The following TENM3 variants were observed in gnomAD, a reference collection of about 807,000 sequenced individuals.
TENM3 encodes the protein teneurin transmembrane protein 3.
In TENM3, 63 loss-of-function variants were observed where a neutral mutation model predicts 255.1. That is an observed-to-expected ratio of 0.25 (90% CI 0.20 to 0.30). TENM3 has a LOEUF of 0.30. Among genes scored for constraint, TENM3 ranks in the 10% least tolerant of loss-of-function variants. The pLI, the probability that TENM3 is intolerant of heterozygous loss-of-function variation, is 1.00. For synonymous variants in TENM3, 1,306 were observed against 1,322.3 expected (o/e 0.99, Z 0.27); for missense variants, 2,929 against 3,461.1 (o/e 0.85, Z 3.86).
At chr4:182,355,178 A>G (rs1765436354) in intron 3 of TENM3, among the ~76,000 whole-genome samples, 2 of 152,210 alleles carry the variant, frequency 1.3e-5, no homozygotes, top group African/African-American at 2.4e-5. Context: ...GCGTTGGACC[A>G]GAGGCTTAAA....
At position 182,216,846 on chromosome 4, in the gene TENM3, G is replaced by A. The variant is rs901150311; in HGVS notation, c.-76+72092G>A. ...ACTTCAAATCCTGAAAACGATTCAG[G>A]TGTTTTCTAAACAATGGCAGACTTG... On this transcript the variant is annotated intron_variant, in intron 1 of 2. Coordinates refer to the TENM3 transcript ENST00000512480. Among the ~76,000 whole-genome samples, 5 of 151,992 alleles carry A rather than the reference G, an allele frequency of 3.3e-5. No individual in the cohort carries two copies. In the East Asian group the frequency reaches 7.7e-4, roughly 24 times the overall value.
chr4:181,782,713 A>G, the TENM3 span, among the ~76,000 whole-genome samples: 1 of 152,030 alleles, frequency 6.6e-6, no homozygotes, highest in Admixed American at 6.6e-5. Flanking sequence ...TTGTGACTTT[A>G]GGGTGTCAAT....
the TENM3 span, among the ~76,000 whole-genome samples, chr4:182,024,492 ATTTC>A: frequency 1.4e-4 from 22 of 152,298 alleles, no homozygotes; most frequent in East Asian, 4.1e-3. Context: ...TTTATGGTAT[ATTTC>A]TTTATACTCA....
At chr4:181,768,707 T>A in the TENM3 span, among the ~76,000 whole-genome samples, 1 of 152,188 alleles carries the variant, frequency 6.6e-6, no homozygotes, top group Non-Finnish European at 1.5e-5. Flanking sequence ...TTTATTATTA[T>A]ATTGGCTACA....
chr4:181,904,464 T>C, the TENM3 span, among the ~76,000 whole-genome samples: 3 of 152,170 alleles, frequency 2.0e-5, no homozygotes, highest in Non-Finnish European at 4.4e-5. Context: ...GATAATTATA[T>C]AAAACTAGTA....
the TENM3 span, among the ~76,000 whole-genome samples, chr4:181,500,267 G>C: frequency 6.6e-6 from 1 of 151,508 alleles, no homozygotes; most frequent in Non-Finnish European, 1.5e-5. Flanking sequence ...GACCCCAGGA[G>C]ATCTGCCTGC....
intron 3 of TENM3, among the ~76,000 whole-genome samples, chr4:182,538,046 C>T (rs1740509877): frequency 6.6e-6 from 1 of 152,146 alleles, no homozygotes; most frequent in Non-Finnish European, 1.5e-5. Context: ...TAAAAATGCT[C>T]ATAGTGCTTG....
the TENM3 span, among the ~76,000 whole-genome samples, chr4:182,002,209 A>C: frequency 6.6e-6 from 1 of 152,104 alleles, no homozygotes; most frequent in Non-Finnish European, 1.5e-5. Context: ...TTTTTCTCCA[A>C]GACAGAAAGC....
At chr4:182,701,056 C>A (rs1757815798) in intron 12 of TENM3, among the ~76,000 whole-genome samples, 3 of 151,692 alleles carry the variant, frequency 2.0e-5, no homozygotes, top group African/African-American at 4.9e-5. Flanking sequence ...ACCATTCTGT[C>A]CAAAATTAAT....
the TENM3 span, among the ~76,000 whole-genome samples, chr4:182,062,134 A>G: frequency 6.6e-6 from 1 of 152,210 alleles, no homozygotes; most frequent in Non-Finnish European, 1.5e-5. Flanking sequence ...AGCATAGATT[A>G]AGAGATGCAA....
chr4:181,566,090 G>A, the TENM3 span, among the ~76,000 whole-genome samples: 3 of 51,452 alleles, frequency 5.8e-5, no homozygotes, highest in African/African-American at 1.9e-4. Flanking sequence ...GTTTATAGAT[G>A]TTTGGCGAAG....
chr4:181,541,719 G>A, the TENM3 span, among the ~76,000 whole-genome samples: 2 of 152,200 alleles, frequency 1.3e-5, no homozygotes, highest in Non-Finnish European at 2.9e-5. Context: ...GATATCTCCA[G>A]GGATGTCTCA....
At chr4:182,428,784 A>G (rs1771418113) in intron 3 of TENM3, among the ~76,000 whole-genome samples, 1 of 152,178 alleles carries the variant, frequency 6.6e-6, no homozygotes, top group Admixed American at 6.5e-5. Flanking sequence ...ACAGTATTTT[A>G]ATTTCTCCAA....
chr4:181,713,341 G>C, the TENM3 span, among the ~76,000 whole-genome samples: 1 of 152,184 alleles, frequency 6.6e-6, no homozygotes, highest in Non-Finnish European at 1.5e-5. Context: ...CAGTTGGTGA[G>C]CTCCTAAATG....
chr4:182,247,588 T>A (rs1757739304), intron 1 of TENM3, among the ~76,000 whole-genome samples: 2 of 152,288 alleles, frequency 1.3e-5, no homozygotes, highest in South Asian at 4.1e-4. Flanking sequence ...GATTTTAAGA[T>A]TTTTCAGGCC....
At chr4:182,713,943 A>G (rs1758947947) in intron 12 of TENM3, 144 bp from the exon 13 acceptor site, 3 of 633,576 alleles carry the variant, frequency 4.7e-6, no homozygotes, top group Admixed American at 3.0e-5. Context: ...TCCATAGATA[A>G]CGTTGCTGTT....
chr4:182,093,178 CA>C, the TENM3 span, among the ~76,000 whole-genome samples: 1 of 152,190 alleles, frequency 6.6e-6, no homozygotes, highest in African/African-American at 2.4e-5. Flanking sequence ...GCCTGCTAGT[CA>C]CCTCCAAATT....
intron 1 of TENM3, among the ~76,000 whole-genome samples, chr4:182,305,645 T>G (rs1762091034): frequency 6.6e-6 from 1 of 152,218 alleles, no homozygotes. Flanking sequence ...CAGTTCTCTT[T>G]CCCGGTTACA....
the TENM3 span, among the ~76,000 whole-genome samples, chr4:181,641,544 T>C: frequency 5.4e-5 from 1 of 18,622 alleles, no homozygotes; most frequent in Non-Finnish European, 1.2e-4. Context: ...TAGTATTCCA[T>C]GGTGTGTGTG....
Sources: gnomAD v4.1 joint callset for allele counts (sites outside exome capture counted in the v4.1 genomes callset) on GRCh38, gnomAD v4.1.1 for gene constraint, MANE v1.5 for transcripts, NCBI Gene and HGNC (gene_info 2026-07-23, HGNC 2026-07-21) for gene names.